The following PTPN4 variants were observed in gnomAD, a reference collection of about 807,000 sequenced individuals.
PTPN4 encodes protein tyrosine phosphatase non-receptor type 4.
A neutral mutation model predicts 135.5 loss-of-function variants in PTPN4; 49 were observed. The ratio of observed to expected loss-of-function variants is 0.36; its 90% confidence interval spans 0.29 to 0.46. The LOEUF is 0.46. Among genes scored for constraint, PTPN4 ranks in the 20% least tolerant of loss-of-function variants. The probability of loss-of-function intolerance (pLI) is 1.00; values close to 1 mark genes in which losing one functional copy is unlikely to be tolerated. For missense variants in PTPN4, 860 were observed against 1,101.0 expected (o/e 0.78, Z 3.10); for synonymous variants, 333 against 369.9 (o/e 0.90, Z 1.14).
At chr2:119,894,021 G>C (rs999493269) in intron 9 of PTPN4, among the ~76,000 whole-genome samples, 2 of 151,924 alleles carry the variant, frequency 1.3e-5, no homozygotes, top group Admixed American at 1.3e-4. Context: ...ATCCTTCTTA[G>C]GGCTTTATGT....
Position 119,984,888 on chromosome 2 carries a change from T to G in PTPN4, c.*7818T>G, listed in dbSNP as rs965287811. On this transcript the variant is annotated 3_prime_UTR_variant, in exon 27 of 27. Transcript: ENST00000263708. Reference sequence around the variant, plus strand: ...TCAATTGCAAAATAAAGATGTGCTTTAGTAATCTAAAGTACAGAAGTTTTG... The same window carrying G: ...TCAATTGCAAAATAAAGATGTGCTTGAGTAATCTAAAGTACAGAAGTTTTG... 6.6e-6 allele frequency among the ~76,000 whole-genome samples: 1 copy of G among 152,240 alleles called. No individual in the cohort carries two copies. The highest frequency in any genetic ancestry group is 2.4e-5 in the African/African-American group (1 of 41,466).
chr2:119,861,310 A>T (rs1045855740), intron 2 of PTPN4, among the ~76,000 whole-genome samples: 1 of 152,286 alleles, frequency 6.6e-6, no homozygotes, highest in Non-Finnish European at 1.5e-5. Context: ...AATCCTTCTA[A>T]ATGACCTAAT....
intron 1 of PTPN4, among the ~76,000 whole-genome samples, chr2:119,802,654 A>G (rs1691397451): frequency 6.6e-6 from 1 of 152,094 alleles, no homozygotes; most frequent in Non-Finnish European, 1.5e-5. Context: ...GTCTGTATTC[A>G]TGAGGAATAT....
rs578206557 is a variant in PTPN4, at chr2:119,891,327, G to T, written c.675+5445G>T. Reference sequence around the variant, plus strand: ...TACAGTTTCAGTTTTTTGTTTGTTTGTTTGTTTGTTTTTGAGACGGAGTCT... The same window carrying T: ...TACAGTTTCAGTTTTTTGTTTGTTTTTTTGTTTGTTTTTGAGACGGAGTCT... On this transcript the variant is annotated intron_variant, in intron 9 of 26. Transcript: ENST00000263708. Among the ~76,000 whole-genome samples, 5 of 151,978 alleles carry T rather than the reference G, an allele frequency of 3.3e-5. No homozygotes were observed. In the South Asian group the frequency reaches 1.0e-3, roughly 32 times the overall value.
At chr2:119,974,034 A>G (rs756438446) in intron 26 of PTPN4, among the ~76,000 whole-genome samples, 72 of 152,328 alleles carry the variant, frequency 4.7e-4, no homozygotes, top group African/African-American at 1.6e-3. Context: ...CATGTGTAGG[A>G]AAGGCAAGAA....
intron 1 of PTPN4, among the ~76,000 whole-genome samples, chr2:119,764,049 A>T (rs1690561011): frequency 6.6e-6 from 1 of 152,210 alleles, no homozygotes; most frequent in Non-Finnish European, 1.5e-5. Flanking sequence ...TAAAACATAC[A>T]GTAGCATTCA....
At chr2:119,944,439 A>G (rs1574415456) in intron 15 of PTPN4, among the ~76,000 whole-genome samples, 1 of 152,182 alleles carries the variant, frequency 6.6e-6, no homozygotes, top group African/African-American at 2.4e-5. Context: ...ACCTGAAGTT[A>G]CCTTTATCAT....
chr2:119,779,546 G>A, intron 1 of PTPN4, among the ~76,000 whole-genome samples: 1 of 151,866 alleles, frequency 6.6e-6, no homozygotes, highest in Admixed American at 6.6e-5. Context: ...GAACCCGGGA[G>A]GCGGAGCTTG....
rs574076887 is a variant in PTPN4 at position 119,865,463 on chromosome 2, A to C, written c.246+2820A>C. Among the ~76,000 whole-genome samples the C allele has an allele frequency of 2.0e-5, 3 of 152,230 alleles. No homozygotes were observed. In the East Asian group the frequency reaches 5.8e-4, roughly 29 times the overall value. ...CTTATAGAAGTCAACTAATTTGTTT[A>C]ATGTCACGCAAATTAGTGAAGTAGC... On this transcript the variant is annotated intron_variant, in intron 3 of 26. Transcript: ENST00000263708.
At chr2:119,918,853 G>C (rs1264064886) in intron 11 of PTPN4, among the ~76,000 whole-genome samples, 1 of 152,156 alleles carries the variant, frequency 6.6e-6, no homozygotes, top group African/African-American at 2.4e-5. Context: ...CAGTAAAGTG[G>C]ATAAGTTAAC....
rs1209585239 is a variant in PTPN4, at chr2:119,984,329, T to TA, written c.*7260dup. ...TCTTGTAACAGGTGCTATTTGTAAA[T>TA]ATGAAGGGGAAAAGTCACTTAGTTA... On this transcript the variant is annotated 3_prime_UTR_variant, in exon 27 of 27. Transcript: ENST00000263708. Among the ~76,000 whole-genome samples, 1 of 152,124 alleles carries TA rather than the reference T, an allele frequency of 6.6e-6. No individual in the cohort carries two copies. The highest frequency in any genetic ancestry group is 1.5e-5 in the Non-Finnish European group (1 of 68,006).
At chr2:119,885,932 C>A in intron 9 of PTPN4, 50 bp downstream of exon 9, 1 of 1,259,464 alleles carries the variant, frequency 7.9e-7, no homozygotes, top group South Asian at 1.5e-5. Flanking sequence ...CTCCGTTACT[C>A]AATATAACAT....
At chr2:119,793,638 A>G (rs1036884376) in intron 1 of PTPN4, among the ~76,000 whole-genome samples, 27 of 152,234 alleles carry the variant, frequency 1.8e-4, no homozygotes, top group Admixed American at 9.2e-4. Context: ...AGATTGTATT[A>G]AAGTCGGGCG....
intron 1 of PTPN4, among the ~76,000 whole-genome samples, chr2:119,767,820 C>T (rs1410220329): frequency 6.6e-6 from 1 of 152,226 alleles, no homozygotes; most frequent in Non-Finnish European, 1.5e-5. Context: ...TATAGTCCTG[C>T]TACTAGCGAT....
chr2:119,775,528 C>G (rs1690819460), intron 1 of PTPN4, among the ~76,000 whole-genome samples: 1 of 152,164 alleles, frequency 6.6e-6, no homozygotes, highest in Non-Finnish European at 1.5e-5. Flanking sequence ...AATTCAGACT[C>G]CAGATTGATT....
At chr2:119,773,075 C>T (rs1690762791) in intron 1 of PTPN4, among the ~76,000 whole-genome samples, 1 of 152,110 alleles carries the variant, frequency 6.6e-6, no homozygotes, top group African/African-American at 2.4e-5. Flanking sequence ...TTTTGTATTT[C>T]TTTTTGGTGG....
At position 119,948,844 on chromosome 2, in the gene PTPN4, A is replaced by C. The variant is rs1276493969; in HGVS notation, c.1656+2270A>C. On this transcript the variant is annotated intron_variant, in intron 18 of 26. Transcript: ENST00000263708. ...TTTATTAAAATATTAGATACATAGA[A>C]AAATTCTGGAAACGTGCTAAAAAAG... Among the ~76,000 whole-genome samples, 3 of 152,144 alleles carry C rather than the reference A, an allele frequency of 2.0e-5. No homozygotes were observed. In the East Asian group the frequency reaches 5.8e-4, roughly 29 times the overall value.
intron 1 of PTPN4, among the ~76,000 whole-genome samples, chr2:119,765,292 G>A (rs1316068653): frequency 6.6e-6 from 1 of 152,118 alleles, no homozygotes; most frequent in East Asian, 1.9e-4. Flanking sequence ...TATAATTTAA[G>A]TGATTAGTTA....
At chr2:119,793,585 G>A (rs753835638) in intron 1 of PTPN4, among the ~76,000 whole-genome samples, 16 of 152,136 alleles carry the variant, frequency 1.1e-4, no homozygotes, top group Non-Finnish European at 1.6e-4. Context: ...TATTGATTGG[G>A]GAAGTGATAA....
Sources: allele counts gnomAD v4.1 joint callset (sites outside exome capture counted in the v4.1 genomes callset), GRCh38; gene constraint gnomAD v4.1.1; transcripts MANE v1.5; gene names NCBI Gene and HGNC (gene_info 2026-07-23, HGNC 2026-07-21).